WIPI2: variants seen among roughly 807,000 people sequenced by gnomAD.
WIPI2 encodes WD repeat domain, phosphoinositide interacting 2, also known as WD repeat domain phosphoinositide-interacting protein 2.
In WIPI2, 28 loss-of-function variants were observed where a neutral mutation model predicts 52.3. The observed-to-expected ratio is 0.54, with a 90% confidence interval of 0.40 to 0.73. The LOEUF is 0.73. WIPI2 is among the 30% of genes least tolerant of loss of function. WIPI2 has a pLI of 0.00. For missense variants in WIPI2, 506 were observed against 602.9 expected (o/e 0.84, Z 1.68); for synonymous variants, 268 against 245.0 (o/e 1.09, Z -0.88).
chr7:5,198,965 A>G (rs1329282300), intron 2 of WIPI2, among the ~76,000 whole-genome samples: 1 of 152,206 alleles, frequency 6.6e-6, no homozygotes, highest in African/African-American at 2.4e-5. Context: ...CAAGCACACA[A>G]TACCTTATTA....
chr7:5,227,899 C>T lies in WIPI2; in HGVS notation c.1014-205C>T, dbSNP rs112830263. ...CACAAAACTGGTTTCATCCCGCTCT[C>T]GTCTCCCGTGGGCTTCAGGGCTCAG... On this transcript the variant is annotated intron_variant, in intron 10 of 12. Transcript: ENST00000288828. This position sits in a 1 kb window ranked among gnomAD's most constrained non-coding sequence, Gnocchi z 8.1. Among the ~76,000 whole-genome samples the T allele has an allele frequency of 2.6e-5, 4 of 152,334 alleles. No individual in the cohort carries two copies. Among genetic ancestry groups the T allele is most frequent in the African/African-American group, 9.6e-5 (4 of 41,580 alleles).
At chr7:5,200,267 T>A (rs1426431104) in intron 3 of WIPI2, among the ~76,000 whole-genome samples, 3 of 152,212 alleles carry the variant, frequency 2.0e-5, no homozygotes, top group Non-Finnish European at 4.4e-5. Context: ...TACTTAACAG[T>A]GTGCAAAAAT....
At position 5,232,120 on chromosome 7, in the gene WIPI2, A is replaced by C. The variant is rs1406580239; in HGVS notation, c.*1173A>C. The C allele has an allele frequency of 7.5e-6, 3 of 398,870 alleles. No individual in the cohort carries two copies. The highest frequency in any genetic ancestry group is 4.1e-5 in the African/African-American group (2 of 48,636). The allele number at this position is 398,870 out of a possible 1,614,324, so 24.7% of individuals were successfully genotyped here. On this transcript the variant is annotated 3_prime_UTR_variant, in exon 13 of 13. Coordinates refer to ENST00000288828, the MANE Select transcript of WIPI2 (RefSeq NM_015610.4). The stretch of plus-strand genomic sequence containing the variant: ...AAGGCACCCAGCAGCCAAAGTGTCG[A>C]GGGCATTTAAGTGGCATTAATGGCA...
In WIPI2 at chr7:5,190,301, G is replaced by A; in HGVS notation, c.-119G>A. 3.6e-6 allele frequency: 2 copies of A among 552,758 alleles called. No homozygotes were observed. Among genetic ancestry groups the A allele is most frequent in the East Asian group, 4.8e-5 (1 of 20,906 alleles). The allele number at this position is 552,758 out of a possible 1,614,324, so 34.2% of individuals were successfully genotyped here. On this transcript the variant is annotated 5_prime_UTR_variant, in exon 1 of 13. Coordinates refer to ENST00000288828, the MANE Select transcript of WIPI2 (RefSeq NM_015610.4). ...GGGATGAGGCGGCGGTTGATCCCAG[G>A]GTGGCGAGTGGCGGCGACCGAGGCG...
In WIPI2 at chr7:5,229,714, G is replaced by A. The variant is rs34887962; in HGVS notation, c.1228G>A (p.Val410Met). The A allele has an allele frequency of 9.3e-6, 15 of 1,613,858 alleles. No individual in the cohort carries two copies. The highest frequency in any genetic ancestry group is 2.7e-5 in the African/African-American group (2 of 74,900). Residue 410 changes from valine to methionine, a missense_variant, in exon 12 of 13, where the codon GTG becomes ATG. Physicochemically the swap from Val to Met is conservative, Grantham distance 21. Transcript: ENST00000288828. ...CGCAGCTGCAGGAAAAGGTACTTAC[G>A]TGCCTTCATCCCCAACGAGACTTGG... ...YGAAAGKGTYVPSSPTRLAYT... is the reference protein window; with the variant it reads ...YGAAAGKGTYMPSSPTRLAYT...
chr7:5,205,191 G>A (rs1782235175), intron 3 of WIPI2, among the ~76,000 whole-genome samples: 1 of 152,184 alleles, frequency 6.6e-6, no homozygotes, highest in African/African-American at 2.4e-5. Flanking sequence ...GGCTAGGCTG[G>A]TCTGGAACTC....
chr7:5,202,108 C>G (rs1350673186), intron 3 of WIPI2, among the ~76,000 whole-genome samples: 1 of 152,144 alleles, frequency 6.6e-6, no homozygotes, highest in Non-Finnish European at 1.5e-5. Flanking sequence ...GACGTCTACC[C>G]TCAAAACTTT....
Position 5,214,428 on chromosome 7 carries a change from G to A in WIPI2, c.212-107G>A, listed in dbSNP as rs533572467. ...ATGTTCCGCAGGCACCCTCAGCGCTGTGCCCTGCGTGTCGCCCAGGCAGGT... is the reference window on the plus strand; with the variant it reads ...ATGTTCCGCAGGCACCCTCAGCGCTATGCCCTGCGTGTCGCCCAGGCAGGT... On this transcript the variant is annotated intron_variant, in intron 3 of 12. Transcript: ENST00000288828. 5 of 1,611,810 alleles carry A rather than the reference G, an allele frequency of 3.1e-6. No homozygotes were observed. The African/African-American group carries it at 4.0e-5, about 13-fold the overall frequency.
Position 5,230,925 on chromosome 7 carries a change from C to T in WIPI2, c.1343C>T (p.Pro448Leu), listed in dbSNP as rs776049556. Reference sequence around the variant, plus strand: ...CTGGATGAGGACAGCGAGCACCCGCCCATGATTCTTCGGACTGACTGAACT... The same window carrying T: ...CTGGATGAGGACAGCGAGCACCCGCTCATGATTCTTCGGACTGACTGAACT... ...LRLDEDSEHPPMILRTD is the reference protein window; with the variant it reads ...LRLDEDSEHPLMILRTD The change falls in exon 13 of 13, where the codon CCC (proline) becomes CTC (leucine). Residue 448 changes from proline (P) to leucine (L), a missense_variant. Around this residue, in one of 4 missense-constraint regions of WIPI2, gnomAD observed 194 missense variants for 175.1 expected, o/e 1.11. Transcript: ENST00000288828. This position sits in a 1 kb window ranked among gnomAD's most constrained non-coding sequence, Gnocchi z 4.8. The T allele has an allele frequency of 1.2e-6, 2 of 1,612,960 alleles. No individual in the cohort carries two copies. Among genetic ancestry groups the T allele is most frequent in the Non-Finnish European group, 1.7e-6 (2 of 1,179,530 alleles).
At chr7:5,199,696 A>G in intron 3 of WIPI2, 38 bp downstream of exon 3, 1 of 1,554,432 alleles carries the variant, frequency 6.4e-7, no homozygotes, top group Non-Finnish European at 8.7e-7. Context: ...CTTAAAAAAA[A>G]AAAAAAAAGT....
At position 5,190,498 on chromosome 7, in the gene WIPI2, G is replaced by A. The variant is rs1272693190; in HGVS notation, c.74+5G>A. 2 of 1,500,840 alleles carry A rather than the reference G, an allele frequency of 1.3e-6. No homozygotes were observed. The highest frequency in any genetic ancestry group is 2.2e-5 in the Admixed American group (1 of 45,514). The allele number at this position is 1,500,840 out of a possible 1,614,324, so 93.0% of individuals were successfully genotyped here. ...CAACTTCAACCAGGACAACACGTAA[G>A]GCCGGGGTCGGGGGTCGGAGTCGGG... On this transcript the variant is annotated splice_donor_5th_base_variant and intron_variant, in intron 1 of 12. Coordinates refer to ENST00000288828, the MANE Select transcript of WIPI2 (RefSeq NM_015610.4).
chr7:5,223,889 G>A lies in WIPI2; in HGVS notation c.740+1217G>A, dbSNP rs1783280390. Among the ~76,000 whole-genome samples, 3 of 152,232 alleles carry A rather than the reference G, an allele frequency of 2.0e-5. No individual in the cohort carries two copies. In the South Asian group the frequency reaches 6.2e-4, roughly 31 times the overall value. ...TGGTGCCTCCAGGGAGCTCCCACCT[G>A]TGGGCCCGCCCTGTGCCTCTCCCGC... is the stretch of plus-strand genomic sequence containing the variant. On this transcript the variant is annotated intron_variant, in intron 8 of 12. Coordinates refer to ENST00000288828, the MANE Select transcript of WIPI2 (RefSeq NM_015610.4).
Position 5,229,744 on chromosome 7 carries a change from G to T in WIPI2, c.1252+6G>T. 1.2e-6 allele frequency: 2 copies of T among 1,613,538 alleles called. No individual in the cohort carries two copies. The highest frequency in any genetic ancestry group is 8.5e-7 in the Non-Finnish European group (1 of 1,179,698). On this transcript the variant is annotated splice_donor_region_variant and intron_variant, in intron 12 of 12. Transcript: ENST00000288828. ...TTCATCCCCAACGAGACTTGGTAAGGGGCGTGACGCAAACCTGGAAGGTAA... is the reference window on the plus strand; with the variant it reads ...TTCATCCCCAACGAGACTTGGTAAGTGGCGTGACGCAAACCTGGAAGGTAA...
intron 3 of WIPI2, among the ~76,000 whole-genome samples, chr7:5,204,362 C>T (rs1277857955): frequency 6.6e-6 from 1 of 152,016 alleles, no homozygotes; most frequent in Non-Finnish European, 1.5e-5. Context: ...AGCTACTCTG[C>T]AGGCTGAGGT....
chr7:5,202,818 C>G (rs1782095190), intron 3 of WIPI2, among the ~76,000 whole-genome samples: 1 of 152,174 alleles, frequency 6.6e-6, no homozygotes, highest in African/African-American at 2.4e-5. Flanking sequence ...AATGTGGTCT[C>G]TTTTCCCTAA....
intron 2 of WIPI2, among the ~76,000 whole-genome samples, chr7:5,193,882 A>G (rs1308822750): frequency 1.3e-5 from 2 of 152,120 alleles, no homozygotes; most frequent in Non-Finnish European, 2.9e-5. Flanking sequence ...CGGCCTGAAG[A>G]TGGTTTCTAA....
In WIPI2 at chr7:5,232,262, G is replaced by T. The variant is rs1009762650; in HGVS notation, c.*1315G>T. The T allele has an allele frequency of 5.5e-5, 22 of 398,558 alleles. No individual in the cohort carries two copies. The highest frequency in any genetic ancestry group is 8.8e-5 in the Non-Finnish European group (20 of 226,086). The allele number at this position is 398,558 out of a possible 1,614,324, so 24.7% of individuals were successfully genotyped here. On this transcript the variant is annotated 3_prime_UTR_variant, in exon 13 of 13. Transcript: ENST00000288828. The stretch of plus-strand genomic sequence containing the variant: ...TTTTTGAACCGAGGAAGGCTGGGAC[G>T]CCTGTTTCCAGATGGTTGTCATGGT...
chr7:5,202,327 A>G (rs1782065959), intron 3 of WIPI2, among the ~76,000 whole-genome samples: 1 of 152,218 alleles, frequency 6.6e-6, no homozygotes, highest in Admixed American at 6.5e-5. Context: ...TTGTAATTTC[A>G]AACTTGAAAG....
chr7:5,221,953 T>TA (rs1554254906), intron 7 of WIPI2, among the ~76,000 whole-genome samples: 40 of 88,574 alleles, frequency 4.5e-4, no homozygotes, highest in African/African-American at 1.9e-3. Context: ...AGGCTTTTAT[T>TA]TTTTTTTTTT....
Sources: gnomAD v4.1 joint callset for allele counts (sites outside exome capture counted in the v4.1 genomes callset) on GRCh38, gnomAD v4.1.1 for gene constraint, gnomAD v4.1.1 regional missense constraint, Gnocchi (gnomAD v3.1) non-coding constraint, MANE v1.5 for transcripts, NCBI Gene and HGNC (gene_info 2026-07-23, HGNC 2026-07-21) for gene names.